MRTFB: variants seen among roughly 807,000 people sequenced by gnomAD.
MRTFB encodes myocardin related transcription factor B, also known as myocardin-related transcription factor B.
A neutral mutation model predicts 104.2 loss-of-function variants in MRTFB; 29 were observed. The ratio of observed to expected loss-of-function variants is 0.28; its 90% CI spans 0.21 to 0.38. The LOEUF (loss-of-function observed/expected upper bound fraction) is 0.38. Ranked by LOEUF, MRTFB falls within the 10% of genes least tolerant of loss-of-function variation. MRTFB has a pLI of 1.00. For synonymous variants in MRTFB, 535 were observed against 519.5 expected (o/e 1.03, Z -0.41); for missense variants, 1,270 against 1,341.6 (o/e 0.95, Z 0.83).
At chr16:14,218,780 A>G (rs1421769146) in intron 7 of MRTFB, 40 bp from the exon 8 acceptor site, 2 of 1,544,958 alleles carry the variant, frequency 1.3e-6, no homozygotes. Flanking sequence ...GGTATTCCAA[A>G]GCCAACATAA....
intron 15 of MRTFB, among the ~76,000 whole-genome samples, chr16:14,257,279 G>T (rs185862385): frequency 1.6e-4 from 25 of 152,172 alleles, no homozygotes; most frequent in Non-Finnish European, 3.1e-4. Flanking sequence ...GTCTATACAA[G>T]GACCTGTACA....
intron 8 of MRTFB, among the ~76,000 whole-genome samples, chr16:14,233,929 G>A (rs1360474043): frequency 6.6e-6 from 1 of 151,918 alleles, no homozygotes; most frequent in Non-Finnish European, 1.5e-5. Context: ...TACCTTACTT[G>A]GCTTTAGTTA....
At chr16:14,258,299 T>C in intron 16 of MRTFB, 138 bp downstream of exon 16, 1 of 714,222 alleles carries the variant, frequency 1.4e-6, no homozygotes, top group African/African-American at 1.8e-5. Context: ...TGTTTTAAAA[T>C]CTGTTAAATT....
rs192209958 is a variant in MRTFB, at chr16:14,108,601, A to G, written c.-64+29247A>G. ...CCACTTTGTAGAAATTTGGAAAGTA[A>G]CATTTAAGACTCCTACCCCAGGAGG... On this transcript the variant is annotated intron_variant, in intron 2 of 16. Coordinates refer to ENST00000571589, the MANE Select transcript of MRTFB (RefSeq NM_001308142.2). Among the ~76,000 whole-genome samples the G allele has an allele frequency of 2.6e-5, 4 of 152,308 alleles. No individual in the cohort carries two copies. The East Asian group carries it at 7.7e-4, about 29-fold the overall frequency.
intron 8 of MRTFB, among the ~76,000 whole-genome samples, chr16:14,228,024 G>T (rs965510877): frequency 6.7e-6 from 1 of 150,182 alleles, no homozygotes; most frequent in African/African-American, 2.5e-5. Context: ...TGGCCAATAA[G>T]CATCTAACAA....
chr16:14,120,650 T>C (rs940058709), intron 2 of MRTFB, among the ~76,000 whole-genome samples: 2 of 152,220 alleles, frequency 1.3e-5, no homozygotes, highest in African/African-American at 4.8e-5. Flanking sequence ...TAAAATAATA[T>C]ATGCTTGTGT....
intron 3 of MRTFB, among the ~76,000 whole-genome samples, chr16:14,182,156 C>A (rs1018111942): frequency 1.3e-5 from 2 of 152,206 alleles, no homozygotes; most frequent in African/African-American, 2.4e-5. Context: ...GTTTCTCCTA[C>A]TGAGGGATAC....
At chr16:14,026,687 C>A in the MRTFB span, among the ~76,000 whole-genome samples, 2 of 152,110 alleles carry the variant, frequency 1.3e-5, no homozygotes, top group Non-Finnish European at 2.9e-5. Flanking sequence ...ACACAAAGAA[C>A]TTTAAAAACT....
At chr16:14,056,230 C>T in the MRTFB span, among the ~76,000 whole-genome samples, 12 of 152,242 alleles carry the variant, frequency 7.9e-5, no homozygotes, top group African/African-American at 2.2e-4. Flanking sequence ...CCCCCCACCT[C>T]GGCTTTCCAA....
At chr16:14,119,172 G>T (rs937898967) in intron 2 of MRTFB, among the ~76,000 whole-genome samples, 1 of 152,168 alleles carries the variant, frequency 6.6e-6, no homozygotes, top group Admixed American at 6.5e-5. Flanking sequence ...GAGAAGCTAG[G>T]ATTAGTATAG....
chr16:14,217,587 A>G (rs573612190), intron 7 of MRTFB, among the ~76,000 whole-genome samples: 7 of 152,320 alleles, frequency 4.6e-5, no homozygotes, highest in Non-Finnish European at 7.4e-5. Flanking sequence ...TGTACTGCTT[A>G]CAGTTCTTGA....
chr16:14,081,140 C>T (rs896056521), intron 2 of MRTFB, among the ~76,000 whole-genome samples: 2 of 152,168 alleles, frequency 1.3e-5, no homozygotes, highest in Admixed American at 1.3e-4. Flanking sequence ...GTTTCTTTGT[C>T]TCTACATTTT....
chr16:14,057,577 C>A, the MRTFB span, among the ~76,000 whole-genome samples: 4 of 152,314 alleles, frequency 2.6e-5, 1 homozygote, highest in South Asian at 8.3e-4. Flanking sequence ...GCCAAGCTTA[C>A]ATTTCCCTTT....
At chr16:14,161,708 T>G (rs1365383771) in intron 3 of MRTFB, among the ~76,000 whole-genome samples, 1 of 152,156 alleles carries the variant, frequency 6.6e-6, no homozygotes, top group Admixed American at 6.5e-5. Context: ...GACTCTTCTT[T>G]AGCATATAGA....
At chr16:14,115,376 T>A (rs1170572962) in intron 2 of MRTFB, among the ~76,000 whole-genome samples, 1 of 152,202 alleles carries the variant, frequency 6.6e-6, no homozygotes, top group African/African-American at 2.4e-5. Flanking sequence ...AAGGTAGAGT[T>A]CCAAAAAATA....
intron 5 of MRTFB, 34 bp from the exon 6 acceptor site, chr16:14,213,511 A>T: frequency 7.0e-7 from 1 of 1,430,124 alleles, no homozygotes; most frequent in Non-Finnish European, 9.6e-7. Context: ...TAAATAATAA[A>T]TGATTTATGG....
At chr16:14,029,387 C>G in the MRTFB span, among the ~76,000 whole-genome samples, 1 of 129,456 alleles carries the variant, frequency 7.7e-6, no homozygotes, top group African/African-American at 3.1e-5. Flanking sequence ...GCCTGGGTGA[C>G]GGAGCAAGAC....
the MRTFB span, among the ~76,000 whole-genome samples, chr16:14,039,757 GT>G: frequency 1.0e-5 from 1 of 98,724 alleles, no homozygotes; most frequent in African/African-American, 3.6e-5. Flanking sequence ...TCAATAATAT[GT>G]TCTTTTTTTT....
At chr16:14,221,642 G>C (rs59785985) in intron 8 of MRTFB, among the ~76,000 whole-genome samples, 1 of 152,028 alleles carries the variant, frequency 6.6e-6, no homozygotes, top group African/African-American at 2.4e-5. Context: ...GTCTTTCAGG[G>C]GTTCTTTGAG....
Sources: allele counts gnomAD v4.1 joint callset (sites outside exome capture counted in the v4.1 genomes callset), GRCh38; gene constraint gnomAD v4.1.1; transcripts MANE v1.5; gene names NCBI Gene and HGNC (gene_info 2026-07-23, HGNC 2026-07-21).